The following GPBP1L1 variants were observed in gnomAD, a reference collection of about 807,000 sequenced individuals.
GPBP1L1 encodes the protein vasculin-like protein 1.
Under a neutral mutation model 52.5 loss-of-function variants are expected in GPBP1L1, and 23 were observed. The observed-to-expected ratio is 0.44, with a 90% CI of 0.32 to 0.62. GPBP1L1 has a LOEUF of 0.62. Among genes scored for constraint, GPBP1L1 ranks in the 20% least tolerant of loss-of-function variants. The pLI, the probability that GPBP1L1 is intolerant of heterozygous loss-of-function variation, is 0.06. For synonymous variants in GPBP1L1, 243 were observed against 203.1 expected, an observed-to-expected ratio of 1.20 and a Z score of -1.67; for missense variants, 596 against 579.3, an observed-to-expected ratio of 1.03 and a Z score of -0.30.
rs149653832 is a variant in GPBP1L1, at chr1:45,631,049, C to A, written c.1045-443G>T. On this transcript the variant is annotated intron_variant, in intron 10 of 12. Coordinates refer to ENST00000355105, the MANE Select transcript of GPBP1L1 (RefSeq NM_021639.5). ...GGAAATACAATGGAGAAAAGATAGT[C>A]TTTTCAACAAATGGTGAGGGAACAA... 1.3e-4 allele frequency among the ~76,000 whole-genome samples: 19 copies of A among 151,426 alleles called. No individual in the cohort carries two copies. The East Asian group carries it at 3.7e-3, about 29-fold the overall frequency.
At chr1:45,629,466 C>G (rs1050945555) in intron 12 of GPBP1L1, 110 bp downstream of exon 12, 14 of 152,624 alleles carry the variant, frequency 9.2e-5, no homozygotes, top group Middle Eastern at 1.9e-3. Flanking sequence ...CCCCCCCCCC[C>G]CACCCGATCT....
chr1:45,640,108 C>CT, intron 8 of GPBP1L1, 102 bp downstream of exon 8: 1 of 811,416 alleles, frequency 1.2e-6, no homozygotes, highest in South Asian at 1.8e-5. Flanking sequence ...GAAAGAATAT[C>CT]TGGTGACTGA....
intron 6 of GPBP1L1, among the ~76,000 whole-genome samples, chr1:45,650,566 GA>G (rs1483312118): frequency 2.6e-5 from 4 of 152,126 alleles, no homozygotes; most frequent in African/African-American, 9.6e-5. Flanking sequence ...AAACCAATAC[GA>G]TTTTAAAATA....
At chr1:45,643,732 C>T (rs1644704889) in intron 6 of GPBP1L1, among the ~76,000 whole-genome samples, 1 of 125,150 alleles carries the variant, frequency 8.0e-6, no homozygotes, top group Non-Finnish European at 1.6e-5. Flanking sequence ...TACAGTGGCA[C>T]AATCCTGGCT....
intron 6 of GPBP1L1, among the ~76,000 whole-genome samples, chr1:45,644,364 T>A (rs72883698): frequency 6.6e-6 from 1 of 152,164 alleles, no homozygotes; most frequent in African/African-American, 2.4e-5. Flanking sequence ...TCTACTGTTT[T>A]AAAAAATACA....
intron 2 of GPBP1L1, among the ~76,000 whole-genome samples, chr1:45,662,237 C>A (rs1374196027): frequency 1.3e-5 from 2 of 152,180 alleles, no homozygotes; most frequent in Non-Finnish European, 2.9e-5. Context: ...TTAAGCAATC[C>A]TCTCAGAGAC....
chr1:45,640,121 C>G (rs924720493), intron 8 of GPBP1L1, 89 bp downstream of exon 8: 3 of 966,156 alleles, frequency 3.1e-6, no homozygotes, highest in African/African-American at 1.6e-5. Context: ...GTGACTGATG[C>G]GGCAAGAAAA....
chr1:45,638,751 G>A lies in GPBP1L1; in HGVS notation c.744+1459C>T, dbSNP rs1274541247. On this transcript the variant is annotated intron_variant, in intron 8 of 12. Transcript: ENST00000355105. ...GCCCAGAAGTTCGAGACCAGCCTGG[G>A]CAATATAGTGAGACCCCAATCACTA... is the stretch of plus-strand genomic sequence containing the variant. Among the ~76,000 whole-genome samples, 7 of 152,190 alleles carry A rather than the reference G, an allele frequency of 4.6e-5. No homozygotes were observed. In the East Asian group the frequency reaches 1.4e-3, roughly 29 times the overall value.
chr1:45,642,563 G>C lies in GPBP1L1; in HGVS notation c.478-64C>G, dbSNP rs1644687805. On this transcript the variant is annotated intron_variant, in intron 6 of 12. Coordinates refer to ENST00000355105, the MANE Select transcript of GPBP1L1 (RefSeq NM_021639.5). Reference sequence around the variant, plus strand: ...TGATCATTTTGGCACTTTTCACAAAGTAGCCATCACCATGGAACCTATCAA... The same window carrying C: ...TGATCATTTTGGCACTTTTCACAAACTAGCCATCACCATGGAACCTATCAA... 12 of 1,198,100 alleles carry C rather than the reference G, an allele frequency of 1.0e-5. No individual in the cohort carries two copies. The Admixed American group carries it at 2.0e-4, about 20-fold the overall frequency. 74.2% of individuals were successfully genotyped at this position (1,198,100 alleles called of 1,614,324 possible). A position where few individuals can be genotyped will look rare whatever the true frequency, so the allele number is the denominator to read the frequency against.
At chr1:45,684,272 A>AG (rs1300785093) in intron 2 of GPBP1L1, among the ~76,000 whole-genome samples, 29 of 151,072 alleles carry the variant, frequency 1.9e-4, no homozygotes, top group Middle Eastern at 3.4e-3. Context: ...AAAAAAAAAA[A>AG]AAAAAGAAAA....
intron 2 of GPBP1L1, 22 bp downstream of exon 2, chr1:45,685,554 T>A (rs565747233): frequency 1.4e-4 from 22 of 152,310 alleles, no homozygotes; most frequent in African/African-American, 5.3e-4. Context: ...ACTTTTGGAA[T>A]AGTCAACTTT....
chr1:45,664,212 C>T (rs1005959062), intron 2 of GPBP1L1, among the ~76,000 whole-genome samples: 49 of 151,400 alleles, frequency 3.2e-4, no homozygotes, highest in Admixed American at 6.6e-5. Flanking sequence ...ACCAGCTACT[C>T]GGGAGGCTGA....
chr1:45,653,424 T>C (rs114403684), intron 6 of GPBP1L1, among the ~76,000 whole-genome samples: 4 of 152,130 alleles, frequency 2.6e-5, no homozygotes, highest in Non-Finnish European at 5.9e-5. Flanking sequence ...GGGGCAATCA[T>C]AGCTCACTGC....
intron 2 of GPBP1L1, among the ~76,000 whole-genome samples, chr1:45,676,908 C>T (rs1178912779): frequency 2.0e-5 from 3 of 149,964 alleles, no homozygotes; most frequent in Non-Finnish European, 3.0e-5. Flanking sequence ...CAAAGTACTT[C>T]GCCAGGAACG....
chr1:45,637,200 G>T (rs1007737566), intron 8 of GPBP1L1, among the ~76,000 whole-genome samples: 1 of 152,074 alleles, frequency 6.6e-6, no homozygotes, highest in Non-Finnish European at 1.5e-5. Flanking sequence ...ATTATTTTGT[G>T]TCTCTAGTGA....
intron 10 of GPBP1L1, among the ~76,000 whole-genome samples, chr1:45,631,216 C>T (rs934032857): frequency 6.6e-5 from 10 of 151,950 alleles, no homozygotes; most frequent in Non-Finnish European, 1.2e-4. Flanking sequence ...TAAAAGAAAA[C>T]TTAGATTACC....
At chr1:45,644,303 C>T (rs1017946593) in intron 6 of GPBP1L1, among the ~76,000 whole-genome samples, 1 of 152,130 alleles carries the variant, frequency 6.6e-6, no homozygotes, top group Non-Finnish European at 1.5e-5. Context: ...CATGTTGTAC[C>T]CAGGGTTCTC....
intron 4 of GPBP1L1, chr1:45,656,237 G>A (rs1370302530): frequency 2.0e-5 from 3 of 152,158 alleles, no homozygotes; most frequent in African/African-American, 7.2e-5. Flanking sequence ...AGCAGTTTGA[G>A]AAACATTATT....
chr1:45,653,051 G>A (rs1644838285), intron 6 of GPBP1L1, among the ~76,000 whole-genome samples: 1 of 152,180 alleles, frequency 6.6e-6, no homozygotes, highest in Admixed American at 6.5e-5. Context: ...AGACCTTCCT[G>A]AGGATAAAGT....
Sources: gnomAD v4.1 joint callset for allele counts (sites outside exome capture counted in the v4.1 genomes callset) on GRCh38, gnomAD v4.1.1 for gene constraint, MANE v1.5 for transcripts, NCBI Gene and HGNC (gene_info 2026-07-23, HGNC 2026-07-21) for gene names.